Variants in WDR72 observed in about 807,000 individuals in gnomAD.
WDR72 encodes the protein WD repeat domain 72, also known as WD repeat-containing protein 72.
A neutral mutation model predicts 124.2 loss-of-function variants in WDR72; 120 were observed. The observed-to-expected ratio is 0.97, with a 90% CI of 0.83 to 1.12. The LOEUF is 1.12. Ranked by LOEUF, WDR72 falls within the 50% of genes most tolerant of loss-of-function variation. The pLI is 0.00. For synonymous variants in WDR72, 452 were observed against 441.7 expected (o/e 1.02, Z -0.29); for missense variants, 1,387 against 1,278.8 (o/e 1.08, Z -1.29).
intron 2 of WDR72, among the ~76,000 whole-genome samples, chr15:53,726,285 T>TATATATATATATATATATATATATAC: frequency 8.7e-6 from 1 of 115,468 alleles, no homozygotes. Context: ...TATATATATA[T>TATATATATATATATATATATATATAC]ACACACACAC....
intron 13 of WDR72, among the ~76,000 whole-genome samples, chr15:53,673,923 G>A (rs964115709): frequency 1.1e-4 from 16 of 152,032 alleles, no homozygotes; most frequent in African/African-American, 3.1e-4. Context: ...CCCGGGAGGC[G>A]GAGGTTTCAG....
intron 16 of WDR72, among the ~76,000 whole-genome samples, chr15:53,609,894 A>T (rs1443878844): frequency 6.6e-6 from 1 of 152,058 alleles, no homozygotes; most frequent in Non-Finnish European, 1.5e-5. Context: ...TAACAATTAT[A>T]CTAACACATA....
intron 14 of WDR72, among the ~76,000 whole-genome samples, chr15:53,663,187 A>C (rs1366624263): frequency 2.0e-5 from 3 of 152,060 alleles, no homozygotes; most frequent in African/African-American, 7.2e-5. Flanking sequence ...GACATTGAAG[A>C]TACCCAGAAC....
intron 14 of WDR72, among the ~76,000 whole-genome samples, chr15:53,619,580 T>C (rs16966324): frequency 0.13 from 19,615 of 151,976 alleles, 2,878 homozygotes; most frequent in African/African-American, 0.36. Flanking sequence ...ATATTGCTCA[T>C]CTTGGTTGGC....
At chr15:53,559,309 T>C (rs1309931060) in intron 18 of WDR72, among the ~76,000 whole-genome samples, 1 of 152,026 alleles carries the variant, frequency 6.6e-6, no homozygotes, top group African/African-American at 2.4e-5. Flanking sequence ...GTGGATTTTT[T>C]TTAAAGTACA....
intron 18 of WDR72, among the ~76,000 whole-genome samples, chr15:53,595,717 G>A (rs975131707): frequency 2.0e-5 from 3 of 152,072 alleles, no homozygotes; most frequent in African/African-American, 7.2e-5. Flanking sequence ...TGCAAATGTA[G>A]TCACTCAAAA....
chr15:53,543,011 A>T (rs552339242), intron 18 of WDR72, among the ~76,000 whole-genome samples: 4 of 151,892 alleles, frequency 2.6e-5, no homozygotes, highest in Non-Finnish European at 2.9e-5. Context: ...TGAGTGACCT[A>T]CAAAGAGACT....
intron 13 of WDR72, among the ~76,000 whole-genome samples, chr15:53,680,135 C>G (rs1205309959): frequency 6.6e-6 from 1 of 152,154 alleles, no homozygotes; most frequent in Non-Finnish European, 1.5e-5. Flanking sequence ...GTGGCCAGAA[C>G]TAACCAGAAA....
Position 53,626,910 on chromosome 15 carries a change from C to T in WDR72, c.1963-10667G>A, listed in dbSNP as rs377724761. ...TAACACTGATGCTTAAATCTGCCCT[C>T]ATCTTCTCACTTTTGTCACTTCGTA... On this transcript the variant is annotated intron_variant, in intron 14 of 19. Coordinates refer to ENST00000360509, the MANE Select transcript of WDR72 (RefSeq NM_182758.4). Among the ~76,000 whole-genome samples the T allele has an allele frequency of 3.9e-5, 6 of 152,324 alleles. 1 individual carries two copies. The highest frequency in any genetic ancestry group is 1.4e-4 in the African/African-American group (6 of 41,584).
At chr15:53,662,281 C>T (rs2015634296) in intron 14 of WDR72, among the ~76,000 whole-genome samples, 1 of 152,128 alleles carries the variant, frequency 6.6e-6, no homozygotes, top group Non-Finnish European at 1.5e-5. Context: ...TGTCTAGCAG[C>T]ACAAATTCAA....
intron 14 of WDR72, among the ~76,000 whole-genome samples, chr15:53,635,263 C>A (rs1347522122): frequency 6.6e-6 from 1 of 152,178 alleles, no homozygotes; most frequent in African/African-American, 2.4e-5. Context: ...AAAAGACAAA[C>A]GTAGGTAGAG....
chr15:53,576,120 T>G (rs1178093849), intron 18 of WDR72, among the ~76,000 whole-genome samples: 1 of 151,834 alleles, frequency 6.6e-6, no homozygotes, highest in Non-Finnish European at 1.5e-5. Context: ...ACTTACACGA[T>G]TGTATTCTAA....
intron 14 of WDR72, among the ~76,000 whole-genome samples, chr15:53,617,750 T>C (rs1274637746): frequency 6.6e-6 from 1 of 151,922 alleles, no homozygotes; most frequent in African/African-American, 2.4e-5. Flanking sequence ...ATTGGCCTAT[T>C]AATTTCACCA....
At chr15:53,704,809 G>C (rs1446091308) in intron 11 of WDR72, among the ~76,000 whole-genome samples, 179 bp downstream of exon 11, 1 of 84,464 alleles carries the variant, frequency 1.2e-5, no homozygotes, top group African/African-American at 5.1e-5. Context: ...TAGGATTACA[G>C]GGAGTTTAAA....
intron 19 of WDR72, among the ~76,000 whole-genome samples, chr15:53,520,954 T>C (rs940754479): frequency 2.0e-5 from 3 of 152,066 alleles, no homozygotes; most frequent in Non-Finnish European, 4.4e-5. Context: ...CTGTCAGAAG[T>C]GTCTTAATTT....
At chr15:53,618,866 C>T (rs907323990) in intron 14 of WDR72, among the ~76,000 whole-genome samples, 6 of 152,046 alleles carry the variant, frequency 3.9e-5, no homozygotes, top group Non-Finnish European at 8.8e-5. Flanking sequence ...CCTTATGGGA[C>T]TCTGATCAGG....
At chr15:53,558,893 A>C (rs1262280685) in intron 18 of WDR72, among the ~76,000 whole-genome samples, 1 of 151,960 alleles carries the variant, frequency 6.6e-6, no homozygotes, top group African/African-American at 2.4e-5. Flanking sequence ...TCTTAATGAA[A>C]CTTAACTTTT....
intron 17 of WDR72, among the ~76,000 whole-genome samples, chr15:53,604,375 A>G (rs191438803): frequency 8.5e-5 from 13 of 152,328 alleles, no homozygotes; most frequent in African/African-American, 2.9e-4. Flanking sequence ...AATTATAAAA[A>G]CCCTGGAAGA....
chr15:53,686,966 G>A (rs1350486048), intron 13 of WDR72, among the ~76,000 whole-genome samples: 1 of 151,392 alleles, frequency 6.6e-6, no homozygotes, highest in Non-Finnish European at 1.5e-5. Flanking sequence ...TGACTACTGG[G>A]TACATAACGA....
Sources: gnomAD v4.1 joint callset for allele counts (sites outside exome capture counted in the v4.1 genomes callset) on GRCh38, gnomAD v4.1.1 for gene constraint, MANE v1.5 for transcripts, NCBI Gene and HGNC (gene_info 2026-07-23, HGNC 2026-07-21) for gene names.